Variants in SPATA13 observed in about 807,000 individuals in gnomAD.
The protein encoded by SPATA13 is spermatogenesis-associated protein 13.
In SPATA13, 50 loss-of-function variants were observed where a neutral mutation model predicts 104.0. The ratio of observed to expected loss-of-function variants is 0.48; its 90% CI spans 0.38 to 0.61. SPATA13 has a LOEUF of 0.61. Among genes scored for constraint, SPATA13 ranks in the 20% least tolerant of loss-of-function variants. The probability of loss-of-function intolerance (pLI) is 0.00; values close to 1 mark genes in which losing one functional copy is unlikely to be tolerated. For missense variants in SPATA13, 1,524 were observed against 1,690.6 expected (o/e 0.90, Z 1.73); for synonymous variants, 606 against 667.5 (o/e 0.91, Z 1.42).
chr13:24,162,043 T>A (rs1464992677), intron 1 of SPATA13, among the ~76,000 whole-genome samples: 1 of 151,992 alleles, frequency 6.6e-6, no homozygotes, highest in Non-Finnish European at 1.5e-5. Flanking sequence ...CTTGCAAACT[T>A]CCTCACTGCA....
intron 3 of SPATA13, among the ~76,000 whole-genome samples, chr13:24,152,765 G>T (rs909795701): frequency 6.6e-6 from 1 of 152,136 alleles, no homozygotes; most frequent in Non-Finnish European, 1.5e-5. Flanking sequence ...TGAGCAAGGC[G>T]CCAGAGACAA....
At chr13:24,006,702 AG>A (rs1876248862) in intron 2 of SPATA13, among the ~76,000 whole-genome samples, 1 of 152,158 alleles carries the variant, frequency 6.6e-6, no homozygotes, top group African/African-American at 2.4e-5. Flanking sequence ...TGGGGAGCTG[AG>A]TTGCAATGAG....
chr13:24,300,990 A>T (rs1387694211), intron 12 of SPATA13, among the ~76,000 whole-genome samples: 1 of 152,136 alleles, frequency 6.6e-6, no homozygotes, highest in Admixed American at 6.5e-5. Context: ...TAGGGCGGTG[A>T]TTCCCTAATC....
chr13:24,235,981 T>C (rs1872543028), intron 2 of SPATA13, among the ~76,000 whole-genome samples: 1 of 152,224 alleles, frequency 6.6e-6, no homozygotes, highest in Non-Finnish European at 1.5e-5. Context: ...TCACAGCCAC[T>C]TGTGACATAG....
chr13:24,268,983 G>A (rs1287859590), intron 4 of SPATA13, among the ~76,000 whole-genome samples: 14 of 152,136 alleles, frequency 9.2e-5, no homozygotes, highest in Non-Finnish European at 1.5e-5. Flanking sequence ...TAGTCAACAT[G>A]TGTGTTATTA....
chr13:24,259,132 G>A (rs1447547077), intron 4 of SPATA13, among the ~76,000 whole-genome samples: 3 of 152,208 alleles, frequency 2.0e-5, no homozygotes, highest in Admixed American at 1.3e-4. Context: ...CAACAGGCAC[G>A]TGCAAGTGAC....
chr13:24,220,489 A>C (rs1488236494), intron 1 of SPATA13, among the ~76,000 whole-genome samples: 2 of 152,242 alleles, frequency 1.3e-5, no homozygotes, highest in Non-Finnish European at 2.9e-5. Context: ...TGAAACAATG[A>C]AATTCCCTAT....
chr13:24,268,124 G>A (rs780959563), intron 4 of SPATA13, among the ~76,000 whole-genome samples: 42 of 152,196 alleles, frequency 2.8e-4, no homozygotes, highest in Non-Finnish European at 3.8e-4. Context: ...AGCCAAATAC[G>A]ATTGTTAAAT....
chr13:24,038,584 A>G (rs1877801010), intron 3 of SPATA13, among the ~76,000 whole-genome samples: 1 of 152,176 alleles, frequency 6.6e-6, no homozygotes, highest in Non-Finnish European at 1.5e-5. Flanking sequence ...AAGTGCCGAG[A>G]GTAAGGATTT....
intron 3 of SPATA13, among the ~76,000 whole-genome samples, chr13:24,114,390 T>C (rs80010772): frequency 1.2e-4 from 8 of 68,606 alleles, no homozygotes; most frequent in South Asian, 5.0e-4. Context: ...TGCGCGTGTG[T>C]GTGCATGTGT....
At chr13:23,993,039 C>T (rs76938661) in intron 2 of SPATA13, among the ~76,000 whole-genome samples, 5 of 152,194 alleles carry the variant, frequency 3.3e-5, no homozygotes, top group East Asian at 1.9e-4. Context: ...TGCCTGGGCT[C>T]GGTCCAGGCT....
At chr13:24,297,886 C>CT in intron 11 of SPATA13, 151 bp downstream of exon 11, 1 of 900,084 alleles carries the variant, frequency 1.1e-6, no homozygotes, top group South Asian at 1.8e-5. Context: ...ACCCTAAATA[C>CT]TTCTGAATGC....
chr13:24,232,559 T>C (rs765287558), intron 2 of SPATA13, among the ~76,000 whole-genome samples: 5 of 152,216 alleles, frequency 3.3e-5, no homozygotes, highest in Non-Finnish European at 7.3e-5. Flanking sequence ...TTTTCTTTTT[T>C]GAGACAGGGT....
Position 24,047,019 on chromosome 13 carries a change from T to C in SPATA13, c.-112+29318T>C, listed in dbSNP as rs1593297728. ...GTCTAGGTAGGGGTTTCATGGCTAATTTGGTGAACAGCAGGCTAGGGAATG... is the reference window on the plus strand; with the variant it reads ...GTCTAGGTAGGGGTTTCATGGCTAACTTGGTGAACAGCAGGCTAGGGAATG... On this transcript the variant is annotated intron_variant, in intron 3 of 14. Coordinates refer to the SPATA13 transcript ENST00000424834. Among the ~76,000 whole-genome samples the C allele has an allele frequency of 2.0e-5, 3 of 152,184 alleles. 1 individual carries two copies. The highest frequency in any genetic ancestry group is 6.8e-3 in the Middle Eastern group (2 of 292).
At chr13:24,070,103 A>T (rs1205657079) in intron 3 of SPATA13, among the ~76,000 whole-genome samples, 1 of 152,212 alleles carries the variant, frequency 6.6e-6, no homozygotes, top group Non-Finnish European at 1.5e-5. Context: ...TGTTTCACAT[A>T]CTGACTGCTT....
chr13:24,120,198 G>GA (rs566191621), intron 3 of SPATA13, among the ~76,000 whole-genome samples: 10 of 150,162 alleles, frequency 6.7e-5, no homozygotes, highest in East Asian at 1.9e-4. Flanking sequence ...TTCCGCCTCT[G>GA]AAAAAAAAAT....
At chr13:24,003,845 G>A (rs1419982128) in intron 2 of SPATA13, among the ~76,000 whole-genome samples, 5 of 151,994 alleles carry the variant, frequency 3.3e-5, no homozygotes, top group Non-Finnish European at 7.3e-5. Context: ...TACAATATTA[G>A]AGACGTGGGA....
At chr13:24,290,935 G>C (rs575956777) in intron 9 of SPATA13, 51 bp downstream of exon 9, 7 of 1,449,832 alleles carry the variant, frequency 4.8e-6, no homozygotes, top group Non-Finnish European at 6.7e-6. Flanking sequence ...GCCATTACCC[G>C]TAGGCAGCTC....
intron 3 of SPATA13, among the ~76,000 whole-genome samples, chr13:24,076,753 C>T (rs1879341692): frequency 6.6e-6 from 1 of 151,738 alleles, no homozygotes; most frequent in Non-Finnish European, 1.5e-5. Context: ...AAAAGAGAGT[C>T]ACTCTTATGT....
Sources: gnomAD v4.1 joint callset for allele counts (sites outside exome capture counted in the v4.1 genomes callset) on GRCh38, gnomAD v4.1.1 for gene constraint, MANE v1.5 for transcripts, NCBI Gene and HGNC (gene_info 2026-07-23, HGNC 2026-07-21) for gene names.